Variants in PRR16 observed in about 807,000 individuals in gnomAD.
PRR16 encodes the protein protein Largen.
In PRR16, 6 loss-of-function variants were observed where a neutral mutation model predicts 18.2. The ratio of observed to expected loss-of-function variants is 0.33; its 90% CI spans 0.18 to 0.65. The LOEUF is 0.65. PRR16 is among the 30% of genes least tolerant of loss of function. PRR16 has a pLI of 0.74. For synonymous variants in PRR16, 151 were observed against 147.8 expected, an observed-to-expected ratio of 1.02 and a Z score of -0.16; for missense variants, 412 against 376.6, an observed-to-expected ratio of 1.09 and a Z score of -0.78.
At chr5:120,756,990 A>G in the PRR16 span, among the ~76,000 whole-genome samples, 13 of 152,148 alleles carry the variant, frequency 8.5e-5, no homozygotes, top group African/African-American at 1.7e-4. Context: ...TAGTTTTTGT[A>G]TATGGGGACA....
chr5:120,751,999 A>G, the PRR16 span, among the ~76,000 whole-genome samples: 1 of 152,098 alleles, frequency 6.6e-6, no homozygotes, highest in Non-Finnish European at 1.5e-5. Flanking sequence ...GTCAAGAGGA[A>G]CTGACTTTTT....
the PRR16 span, among the ~76,000 whole-genome samples, chr5:120,727,059 A>G: frequency 6.6e-6 from 1 of 152,080 alleles, no homozygotes; most frequent in Non-Finnish European, 1.5e-5. Context: ...AATGGCATCC[A>G]GTTAATCACC....
intron 1 of PRR16, among the ~76,000 whole-genome samples, chr5:120,493,960 GGT>G (rs1750155449): frequency 6.6e-6 from 1 of 151,918 alleles, no homozygotes; most frequent in Admixed American, 6.6e-5. Context: ...GGTTGTTTCT[GGT>G]TTTGCACTAT....
chr5:120,785,111 T>A, the PRR16 span, among the ~76,000 whole-genome samples: 1 of 152,222 alleles, frequency 6.6e-6, no homozygotes, highest in African/African-American at 2.4e-5. Context: ...TAGGCCACAC[T>A]TGCTAATGGC....
intron 1 of PRR16, chr5:120,481,319 C>T (rs1297492949): frequency 2.1e-5 from 9 of 430,796 alleles, no homozygotes; most frequent in Admixed American, 7.5e-5. Flanking sequence ...TTAGCAGAGA[C>T]GGGGTTTCAC....
chr5:120,529,848 G>C (rs1230341793), intron 1 of PRR16, among the ~76,000 whole-genome samples: 2 of 151,886 alleles, frequency 1.3e-5, no homozygotes, highest in Non-Finnish European at 2.9e-5. Flanking sequence ...CATATTTCAA[G>C]AGCATGTAAG....
intron 1 of PRR16, among the ~76,000 whole-genome samples, chr5:120,660,932 G>A (rs1287035615): frequency 6.6e-6 from 1 of 151,986 alleles, no homozygotes; most frequent in Non-Finnish European, 1.5e-5. Flanking sequence ...TTTTATTTGT[G>A]TGTTTGTTTT....
At chr5:120,601,696 A>T (rs1449480162) in intron 1 of PRR16, among the ~76,000 whole-genome samples, 1 of 151,946 alleles carries the variant, frequency 6.6e-6, no homozygotes, top group African/African-American at 2.4e-5. Context: ...TTATAGTGTG[A>T]GGCCTTACAT....
rs932046306 is a variant in PRR16 at position 120,622,756 on chromosome 5, C to T, written c.160-63198C>T. 2.0e-5 allele frequency among the ~76,000 whole-genome samples: 3 copies of T among 152,192 alleles called. No homozygotes were observed. The South Asian group carries it at 6.2e-4, about 32-fold the overall frequency. On this transcript the variant is annotated intron_variant, in intron 1 of 1. Transcript: ENST00000407149. ...CCTCCCAAAGTTCTGGGATTACAGA[C>T]GTGAGCCACCACGCCCAGCCACAAG...
At chr5:120,586,926 CAGTT>C (rs1753466555) in intron 1 of PRR16, among the ~76,000 whole-genome samples, 1 of 152,180 alleles carries the variant, frequency 6.6e-6, no homozygotes, top group Non-Finnish European at 1.5e-5. Context: ...TTGCACCAAA[CAGTT>C]AGCCAAGTTG....
At chr5:120,759,924 CA>C in the PRR16 span, among the ~76,000 whole-genome samples, 1 of 151,918 alleles carries the variant, frequency 6.6e-6, no homozygotes, top group East Asian at 1.9e-4. Flanking sequence ...CATAATATGA[CA>C]ACAGAACCTA....
intron 1 of PRR16, among the ~76,000 whole-genome samples, chr5:120,504,884 T>C (rs1750589139): frequency 6.6e-6 from 1 of 152,052 alleles, no homozygotes; most frequent in Non-Finnish European, 1.5e-5. Flanking sequence ...TACAGATCTG[T>C]AGGCAAAGAA....
chr5:120,509,634 A>T (rs1448267797), intron 1 of PRR16, among the ~76,000 whole-genome samples: 1 of 152,122 alleles, frequency 6.6e-6, no homozygotes, highest in African/African-American at 2.4e-5. Flanking sequence ...GGAGCTATAA[A>T]TTTTAGCCTA....
chr5:120,770,719 C>G, the PRR16 span, among the ~76,000 whole-genome samples: 1 of 152,006 alleles, frequency 6.6e-6, no homozygotes, highest in East Asian at 1.9e-4. Flanking sequence ...ACCTACAACT[C>G]AAGTAGACAA....
At chr5:120,545,383 T>C (rs1561539869) in intron 1 of PRR16, among the ~76,000 whole-genome samples, 1 of 152,228 alleles carries the variant, frequency 6.6e-6, no homozygotes, top group East Asian at 1.9e-4. Flanking sequence ...TAATGTCAAG[T>C]TCATCAGTAA....
chr5:120,648,717 T>C (rs1243025112), intron 1 of PRR16, among the ~76,000 whole-genome samples: 1 of 152,066 alleles, frequency 6.6e-6, no homozygotes, highest in Non-Finnish European at 1.5e-5. Context: ...AAATACGGGG[T>C]TAGTCAGTGA....
At chr5:120,639,799 A>G (rs1004967113) in intron 1 of PRR16, among the ~76,000 whole-genome samples, 5 of 151,736 alleles carry the variant, frequency 3.3e-5, no homozygotes, top group African/African-American at 4.8e-5. Context: ...ATACATACCC[A>G]AAAGAAAATA....
At chr5:120,703,487 G>T in the PRR16 span, among the ~76,000 whole-genome samples, 2 of 152,148 alleles carry the variant, frequency 1.3e-5, no homozygotes, top group Non-Finnish European at 2.9e-5. Context: ...GCTATCCTGT[G>T]CATTGAATAC....
At chr5:120,556,561 A>G (rs145254403) in intron 1 of PRR16, among the ~76,000 whole-genome samples, 2 of 152,062 alleles carry the variant, frequency 1.3e-5, no homozygotes, top group Non-Finnish European at 2.9e-5. Flanking sequence ...ACTCATTTAT[A>G]CTACCACCAA....
Sources: allele counts gnomAD v4.1 joint callset (sites outside exome capture counted in the v4.1 genomes callset), GRCh38; gene constraint gnomAD v4.1.1; transcripts MANE v1.5; gene names NCBI Gene and HGNC (gene_info 2026-07-23, HGNC 2026-07-21).